Variants in ORMDL1 observed in about 807,000 individuals in gnomAD.
ORMDL1 encodes ORM1-like protein 1.
ORMDL1 carries 10 observed loss-of-function variants against 13.0 expected under a neutral mutation model. The observed-to-expected ratio is 0.77, with a 90% confidence interval of 0.47 to 1.30. The LOEUF (loss-of-function observed/expected upper bound fraction) is 1.30, where lower values mean the gene tolerates loss of function less well. Ranked by LOEUF, ORMDL1 falls within the 50% of genes most tolerant of loss-of-function variation. ORMDL1 has a pLI of 0.00. For synonymous variants in ORMDL1, 61 were observed against 63.9 expected, an observed-to-expected ratio of 0.95 and a Z score of 0.22; for missense variants, 171 against 186.7, an observed-to-expected ratio of 0.92 and a Z score of 0.49.
At chr2:189,773,003 C>A (rs1281700596) in intron 4 of ORMDL1, among the ~76,000 whole-genome samples, 2 of 152,150 alleles carry the variant, frequency 1.3e-5, no homozygotes, top group Non-Finnish European at 2.9e-5. Context: ...TTCCTGTTTT[C>A]ATATATTTGA....
the ORMDL1 span, chr2:189,763,869 GTTTT>G: frequency 2.0e-5 from 3 of 152,132 alleles, no homozygotes; most frequent in African/African-American, 7.2e-5. Context: ...TATGGTTGAG[GTTTT>G]TTATTTGGAA....
chr2:189,770,009 G>A (rs532563070), downstream of ORMDL1, among the ~76,000 whole-genome samples: 132 of 152,230 alleles, frequency 8.7e-4, 1 homozygote, highest in Non-Finnish European at 8.8e-4. Context: ...CAAAGGGAAG[G>A]GAGTTGGTTT....
chr2:189,764,473 A>G, the ORMDL1 span: 1 of 152,326 alleles, frequency 6.6e-6, no homozygotes, highest in African/African-American at 2.4e-5. Context: ...TCTAGGGCAC[A>G]TTAGTATGGA....
At chr2:189,783,846 T>C (rs2047985499) in intron 1 of ORMDL1, among the ~76,000 whole-genome samples, 1 of 152,216 alleles carries the variant, frequency 6.6e-6, no homozygotes, top group Non-Finnish European at 1.5e-5. Context: ...TTTGCCGCGC[T>C]GCCCACGACT....
At chr2:189,764,602 G>A in the ORMDL1 span, 2 of 152,142 alleles carry the variant, frequency 1.3e-5, no homozygotes, top group Non-Finnish European at 2.9e-5. Context: ...GTTATTGGGG[G>A]AAAGGCATGT....
chr2:189,765,208 T>C, the ORMDL1 span: 1 of 152,234 alleles, frequency 6.6e-6, no homozygotes, highest in Non-Finnish European at 1.5e-5. Context: ...TACATATTTA[T>C]TGGGTTATTT....
rs932305189 is a variant in ORMDL1, at chr2:189,782,320, T to C, written c.174+102A>G. The C allele has an allele frequency of 3.7e-6, 4 of 1,079,270 alleles. No homozygotes were observed. The South Asian group carries it at 4.8e-5, about 13-fold the overall frequency. The allele number at this position is 1,079,270 out of a possible 1,614,324, so 66.9% of individuals were successfully genotyped here. On this transcript the variant is annotated intron_variant, in intron 3 of 4. Transcript: ENST00000392349. ...CTTCATCTTGCAAAACCAAAAACTC[T>C]GTACCCATTAAGCAATAACTTTCCA...
downstream of ORMDL1, among the ~76,000 whole-genome samples, chr2:189,767,131 A>G (rs900699395): frequency 2.6e-5 from 4 of 152,212 alleles, no homozygotes; most frequent in African/African-American, 9.6e-5. Flanking sequence ...CGGAAGTGGA[A>G]TTGCTGGATA....
chr2:189,781,873 C>T (rs1234069121), intron 3 of ORMDL1, among the ~76,000 whole-genome samples: 1 of 151,506 alleles, frequency 6.6e-6, no homozygotes, highest in African/African-American at 2.4e-5. Context: ...AAGTTGTATA[C>T]AACACAAAAC....
Position 189,775,550 on chromosome 2 carries a change from A to C in ORMDL1, c.326+15T>G. Reference sequence around the variant, plus strand: ...TATCCAATCCTCCTCATACCTAAAAATTTCTGCCACTTACAGAATTATTGG... The same window carrying C: ...TATCCAATCCTCCTCATACCTAAAACTTTCTGCCACTTACAGAATTATTGG... On this transcript the variant is annotated intron_variant, in intron 4 of 4. Coordinates refer to ENST00000392349, the MANE Select transcript of ORMDL1 (RefSeq NM_016467.5). The C allele has an allele frequency of 6.3e-7, 1 of 1,588,838 alleles. No individual in the cohort carries two copies. Among genetic ancestry groups the C allele is most frequent in the Non-Finnish European group, 8.6e-7 (1 of 1,168,132 alleles).
chr2:189,770,146 G>A (rs1054865478), downstream of ORMDL1, among the ~76,000 whole-genome samples: 70 of 152,262 alleles, frequency 4.6e-4, no homozygotes, highest in African/African-American at 1.6e-3. Context: ...GCATGTCTAA[G>A]AGGGAGACTT....
At chr2:189,774,819 C>T (rs1259163755) in intron 4 of ORMDL1, 2 of 152,102 alleles carry the variant, frequency 1.3e-5, no homozygotes, top group African/African-American at 4.8e-5. Context: ...TAGGACTACA[C>T]ATGAAATATT....
At chr2:189,783,233 T>C (rs1272580712) in intron 1 of ORMDL1, 110 bp from the exon 2 acceptor site, 1 of 152,210 alleles carries the variant, frequency 6.6e-6, no homozygotes, top group East Asian at 1.9e-4. Context: ...ATTTCTCTAG[T>C]CAAATCAAAA....
rs2047872282 is a variant in ORMDL1, at chr2:189,782,402, G to C, written c.174+20C>G. ...TAAACTTAAAACTTTTAAGTGTTTA[G>C]TATAATGTGAAATTCTTACCAGATT... On this transcript the variant is annotated intron_variant, in intron 3 of 4. Coordinates refer to ENST00000392349, the MANE Select transcript of ORMDL1 (RefSeq NM_016467.5). The C allele has an allele frequency of 3.8e-6, 6 of 1,596,706 alleles. No individual in the cohort carries two copies. Among genetic ancestry groups the C allele is most frequent in the East Asian group, 2.2e-5 (1 of 44,550 alleles).
intron 4 of ORMDL1, 78 bp from the exon 5 acceptor site, chr2:189,771,980 A>G (rs1057018341): frequency 4.5e-6 from 5 of 1,099,138 alleles, no homozygotes; most frequent in Non-Finnish European, 6.1e-6. Context: ...TTAAAGGTAG[A>G]AAAAAAGGCC....
chr2:189,782,009 C>T (rs2047850857), intron 3 of ORMDL1, among the ~76,000 whole-genome samples: 1 of 150,346 alleles, frequency 6.7e-6, no homozygotes, highest in Admixed American at 6.6e-5. Flanking sequence ...GTGGAATGAT[C>T]TCGGCTCATT....
intron 4 of ORMDL1, 25 bp downstream of exon 4, chr2:189,775,540 A>C (rs753541569): frequency 2.5e-5 from 39 of 1,578,668 alleles, no homozygotes; most frequent in Admixed American, 3.6e-5. Context: ...AATCCTCCTC[A>C]TACCTAAAAA....
intron 3 of ORMDL1, among the ~76,000 whole-genome samples, chr2:189,779,018 C>CA (rs2047762915): frequency 6.6e-6 from 1 of 152,080 alleles, no homozygotes. Context: ...ACCCCCATCT[C>CA]AATCAGTCAA....
At chr2:189,773,995 T>C (rs954136961) in intron 4 of ORMDL1, 1 of 152,174 alleles carries the variant, frequency 6.6e-6, no homozygotes, top group Non-Finnish European at 1.5e-5. Flanking sequence ...TCAGGCATTT[T>C]ACATGTATTA....
Sources: gnomAD v4.1 joint callset for allele counts (sites outside exome capture counted in the v4.1 genomes callset) on GRCh38, gnomAD v4.1.1 for gene constraint, MANE v1.5 for transcripts, NCBI Gene and HGNC (gene_info 2026-07-23, HGNC 2026-07-21) for gene names.